Variants in WWOX observed in about 807,000 individuals in gnomAD.
WWOX encodes the protein WW domain-containing oxidoreductase.
Under a neutral mutation model 46.2 loss-of-function variants are expected in WWOX, and 69 were observed. The ratio of observed to expected loss-of-function variants is 1.49; its 90% CI spans 1.23 to 1.82. WWOX has a LOEUF of 1.82. Among genes scored for constraint, WWOX ranks in the 40% most tolerant of loss-of-function variants. WWOX has a pLI of 0.00. For missense variants in WWOX, 919 were observed against 542.6 expected, an observed-to-expected ratio of 1.69 and a Z score of -6.89; for synonymous variants, 359 against 202.6, an observed-to-expected ratio of 1.77 and a Z score of -6.56.
At chr16:78,542,611 C>T (rs909311306) in intron 8 of WWOX, among the ~76,000 whole-genome samples, 5 of 152,176 alleles carry the variant, frequency 3.3e-5, no homozygotes, top group African/African-American at 7.2e-5. Flanking sequence ...CCGCACAGAT[C>T]CACACAGGAG....
intron 8 of WWOX, among the ~76,000 whole-genome samples, chr16:78,601,240 C>T (rs914600084): frequency 6.6e-6 from 1 of 152,104 alleles, no homozygotes; most frequent in Non-Finnish European, 1.5e-5. Context: ...TTTTACTCAC[C>T]CAGAAGGAAG....
In WWOX at chr16:78,161,537, C is replaced by G. The variant is rs1444555886; in HGVS notation, c.410-2646C>G. ...TCATAGCTGACTGTGCCCTTGAACT[C>G]TTGGACTCAGGCAATCCCTCGACAT... On this transcript the variant is annotated intron_variant, in intron 4 of 8. Coordinates refer to ENST00000566780, the MANE Select transcript of WWOX (RefSeq NM_016373.4). Among the ~76,000 whole-genome samples, 3 of 152,216 alleles carry G rather than the reference C, an allele frequency of 2.0e-5. 1 individual carries two copies. Among genetic ancestry groups the G allele is most frequent in the Non-Finnish European group, 1.5e-5 (1 of 68,032 alleles).
At chr16:78,996,180 T>A in intron 8 of WWOX, 4 of 981,284 alleles carry the variant, frequency 4.1e-6, no homozygotes, top group Non-Finnish European at 4.8e-6. Context: ...TCACATCTTC[T>A]TTAAATAAAA....
At chr16:78,620,660 T>C (rs572224622) in intron 8 of WWOX, among the ~76,000 whole-genome samples, 14 of 151,812 alleles carry the variant, frequency 9.2e-5, no homozygotes, top group Non-Finnish European at 8.8e-5. Flanking sequence ...GATGCACTTG[T>C]ACTGCACAAG....
At chr16:78,963,707 C>T (rs1043035000) in intron 8 of WWOX, among the ~76,000 whole-genome samples, 18 of 152,298 alleles carry the variant, frequency 1.2e-4, no homozygotes, top group African/African-American at 4.1e-4. Context: ...GCACTATGCA[C>T]TTAACACACA....
chr16:78,853,583 C>A (rs752594284), intron 8 of WWOX, among the ~76,000 whole-genome samples: 2 of 152,156 alleles, frequency 1.3e-5, no homozygotes, highest in Admixed American at 6.6e-5. Context: ...GAGGCAGAAT[C>A]TTTGTATTTT....
intron 8 of WWOX, among the ~76,000 whole-genome samples, chr16:79,070,594 T>G (rs890301397): frequency 2.6e-5 from 4 of 152,130 alleles, no homozygotes; most frequent in Non-Finnish European, 5.9e-5. Flanking sequence ...TTCGGACTGG[T>G]GCAGCAGGTA....
intron 8 of WWOX, among the ~76,000 whole-genome samples, chr16:78,958,524 TG>T (rs1368146705): frequency 1.3e-5 from 2 of 152,220 alleles, no homozygotes; most frequent in Non-Finnish European, 2.9e-5. Context: ...CAGGTAGTTT[TG>T]CCAATTTGGG....
rs190374955 is a variant in WWOX, at chr16:78,338,041, A to C, written c.517-48819A>C. Among the ~76,000 whole-genome samples the C allele has an allele frequency of 6.9e-4, 83 of 120,772 alleles. 18 individuals carry two copies. Among genetic ancestry groups the C allele is most frequent in the African/African-American group, 2.3e-3 (81 of 35,642 alleles). The allele number at this position is 120,772 out of a possible 152,430, so 79.2% of individuals were successfully genotyped here. A position where few individuals can be genotyped will look rare whatever the true frequency, so the allele number is the denominator to read the frequency against. ...TCTTTTGTTCTTTTAAAACATATAT[A>C]AAATTATTTTTATCAAACATGACAG... On this transcript the variant is annotated intron_variant, in intron 5 of 8. Transcript: ENST00000566780.
chr16:78,251,924 A>G (rs2037995467), intron 5 of WWOX, among the ~76,000 whole-genome samples: 1 of 152,218 alleles, frequency 6.6e-6, no homozygotes, highest in Admixed American at 6.5e-5. Flanking sequence ...TGGTTAATTA[A>G]GAGTTGTCAA....
chr16:78,238,165 T>A (rs533936230), intron 5 of WWOX: 12 of 152,298 alleles, frequency 7.9e-5, no homozygotes, highest in South Asian at 4.1e-4. Flanking sequence ...GTCCCTTTTT[T>A]GTTATTCCAA....
intron 8 of WWOX, among the ~76,000 whole-genome samples, chr16:78,456,085 A>G (rs1398775997): frequency 1.3e-5 from 2 of 152,198 alleles, no homozygotes; most frequent in Admixed American, 6.5e-5. Context: ...ATGTAACTAA[A>G]GGGGGTGGAG....
At chr16:78,597,500 C>G (rs186817884) in intron 8 of WWOX, among the ~76,000 whole-genome samples, 36 of 152,276 alleles carry the variant, frequency 2.4e-4, no homozygotes, top group Non-Finnish European at 5.1e-4. Context: ...GCCGCCCACC[C>G]CACAATATGC....
At chr16:78,805,121 A>G (rs1180260843) in intron 8 of WWOX, among the ~76,000 whole-genome samples, 1 of 150,460 alleles carries the variant, frequency 6.6e-6, no homozygotes, top group East Asian at 2.0e-4. Flanking sequence ...CTACCAAAAT[A>G]TCAAAATTTA....
chr16:79,022,558 C>G (rs2047555527), intron 8 of WWOX, among the ~76,000 whole-genome samples: 1 of 152,068 alleles, frequency 6.6e-6, no homozygotes, highest in Non-Finnish European at 1.5e-5. Flanking sequence ...CCAATAATAT[C>G]TTTGCAGGAC....
intron 8 of WWOX, among the ~76,000 whole-genome samples, chr16:78,500,993 G>C (rs886116535): frequency 2.0e-5 from 3 of 152,138 alleles, no homozygotes; most frequent in Non-Finnish European, 4.4e-5. Flanking sequence ...CCCAGCCAGG[G>C]AAATATGTTT....
intron 8 of WWOX, among the ~76,000 whole-genome samples, chr16:78,524,988 C>T (rs1363063848): frequency 7.3e-5 from 11 of 149,912 alleles, no homozygotes; most frequent in African/African-American, 2.2e-4. Flanking sequence ...GTTTCAGCCT[C>T]CTGAGTAGCT....
intron 5 of WWOX, among the ~76,000 whole-genome samples, chr16:78,277,321 C>G (rs2079595575): frequency 6.6e-6 from 1 of 152,148 alleles, no homozygotes; most frequent in Admixed American, 6.5e-5. Flanking sequence ...GAACGACTCT[C>G]TATAAAATGA....
At chr16:78,636,242 G>T (rs1378329397) in intron 8 of WWOX, among the ~76,000 whole-genome samples, 2 of 152,168 alleles carry the variant, frequency 1.3e-5, no homozygotes, top group Non-Finnish European at 2.9e-5. Context: ...CCAAATGCAA[G>T]GGGAGGGAGC....
Sources: allele counts gnomAD v4.1 joint callset (sites outside exome capture counted in the v4.1 genomes callset), GRCh38; gene constraint gnomAD v4.1.1; transcripts MANE v1.5; gene names NCBI Gene and HGNC (gene_info 2026-07-23, HGNC 2026-07-21).